OPCML: variants seen among roughly 807,000 people sequenced by gnomAD.
OPCML encodes the protein opioid-binding protein/cell adhesion molecule.
In OPCML, 13 loss-of-function variants were observed where a neutral mutation model predicts 37.8. The ratio of observed to expected loss-of-function variants is 0.34; its 90% CI spans 0.22 to 0.55. OPCML has a LOEUF of 0.55. Among genes scored for constraint, OPCML ranks in the 20% least tolerant of loss-of-function variants. The probability of loss-of-function intolerance (pLI) is 0.91; values close to 1 mark genes in which losing one functional copy is unlikely to be tolerated. For synonymous variants in OPCML, 176 were observed against 168.8 expected, an observed-to-expected ratio of 1.04 and a Z score of -0.33; for missense variants, 341 against 435.6, an observed-to-expected ratio of 0.78 and a Z score of 1.93.
chr11:132,517,586 A>G (rs1027824983), intron 4 of OPCML, among the ~76,000 whole-genome samples: 3 of 152,184 alleles, frequency 2.0e-5, no homozygotes, highest in African/African-American at 4.8e-5. Flanking sequence ...GCTGAGGCCA[A>G]TTAGATCTAC....
intron 2 of OPCML, among the ~76,000 whole-genome samples, chr11:132,710,729 C>T (rs1209890405): frequency 6.6e-6 from 1 of 150,842 alleles, no homozygotes; most frequent in Non-Finnish European, 1.5e-5. Context: ...ATGGTGTGTG[C>T]CTGTAGTTCC....
At chr11:132,730,030 T>TC (rs1945023053) in intron 2 of OPCML, among the ~76,000 whole-genome samples, 1 of 147,306 alleles carries the variant, frequency 6.8e-6, no homozygotes, top group African/African-American at 2.5e-5. Context: ...TTTTTTTTTT[T>TC]TGAGACAGAG....
rs1941744973 is a variant in OPCML at position 132,657,097 on chromosome 11, T to A, written c.369A>T (p.Leu123=). The A allele has an allele frequency of 1.2e-6, 2 of 1,614,160 alleles. No homozygotes were observed. The highest frequency in any genetic ancestry group is 1.7e-6 in the Non-Finnish European group (2 of 1,179,998). The change falls in exon 3 of 8, where the codon CTA becomes CTT. Residue 123 remains leucine, a synonymous_variant. Coordinates refer to ENST00000524381, the MANE Select transcript of OPCML (RefSeq NM_001012393.5). ...DNHPKTSRVH[L]IVQVPPQIMN... is the part of the protein sequence containing the mutation. ...CCAGCTGGGACTTACCTTGCACTAT[T>A]AGGTGAACCCGGGACGTTTTGGGAT...
chr11:133,211,182 T>C lies in OPCML; in HGVS notation c.62-268172A>G, dbSNP rs73598434. On this transcript the variant is annotated intron_variant, in intron 1 of 7. Coordinates refer to ENST00000524381, the MANE Select transcript of OPCML (RefSeq NM_001012393.5). The surrounding 1 kb of genome is among the most constrained non-coding windows in gnomAD (Gnocchi z 4.1). ...CAAATATTTCTGCAAATTCTGATGA[T>C]TTAATGTACTCATTTCCCTCAGGTT... Among the ~76,000 whole-genome samples, 5,244 of 152,074 alleles carry C rather than the reference T, an allele frequency of 0.034. 308 individuals are homozygous for C. The highest frequency in any genetic ancestry group is 0.12 in the African/African-American group (5,036 of 41,496).
At chr11:132,555,259 T>C (rs2096392553) in intron 3 of OPCML, among the ~76,000 whole-genome samples, 1 of 152,098 alleles carries the variant, frequency 6.6e-6, no homozygotes, top group African/African-American at 2.4e-5. Flanking sequence ...AGAGGTTTAA[T>C]GGACTCAGTT....
intron 3 of OPCML, among the ~76,000 whole-genome samples, chr11:132,541,547 T>A (rs1394798740): frequency 6.6e-6 from 1 of 151,938 alleles, no homozygotes; most frequent in Non-Finnish European, 1.5e-5. Flanking sequence ...GCAACTCTCA[T>A]TTATTGAGAA....
chr11:132,509,821 C>A (rs1293705142), intron 4 of OPCML, among the ~76,000 whole-genome samples: 2 of 152,208 alleles, frequency 1.3e-5, no homozygotes, highest in African/African-American at 2.4e-5. Context: ...TAGGGCAGTG[C>A]AGAAGGGATA....
intron 3 of OPCML, among the ~76,000 whole-genome samples, chr11:132,557,452 C>A (rs779795196): frequency 1.3e-5 from 2 of 152,166 alleles, no homozygotes; most frequent in African/African-American, 2.4e-5. Flanking sequence ...CGGTGCCCAA[C>A]CCCCCTGCTC....
In OPCML at chr11:133,174,324, AG is replaced by A. The variant is rs1173808094; in HGVS notation, c.62-231315del. On this transcript the variant is annotated intron_variant, in intron 1 of 7. Transcript: ENST00000524381. This position sits in a 1 kb window ranked among gnomAD's most constrained non-coding sequence, Gnocchi z 4.6. ...GAGGACAGGGGCCTCGCATGAACCT[AG>A]GTTCCAGGTCAGATGAAATGGCCAT... Among the ~76,000 whole-genome samples the A allele has an allele frequency of 1.3e-5, 2 of 152,170 alleles. No individual in the cohort carries two copies. Among genetic ancestry groups the A allele is most frequent in the Admixed American group, 6.5e-5 (1 of 15,270 alleles).
intron 2 of OPCML, among the ~76,000 whole-genome samples, chr11:132,731,491 G>T (rs569393717): frequency 1.3e-5 from 2 of 152,304 alleles, no homozygotes; most frequent in East Asian, 1.9e-4. Flanking sequence ...GCCAGTCTAT[G>T]ATCAAAAGTT....
At chr11:133,239,996 G>GA (rs989707550) in intron 1 of OPCML, among the ~76,000 whole-genome samples, 3 of 151,884 alleles carry the variant, frequency 2.0e-5, no homozygotes, top group Non-Finnish European at 4.4e-5. Context: ...GCCCTAGAGG[G>GA]AAAAAAATTT....
At chr11:132,715,452 A>G (rs1006293250) in intron 2 of OPCML, among the ~76,000 whole-genome samples, 7 of 152,168 alleles carry the variant, frequency 4.6e-5, no homozygotes, top group Non-Finnish European at 7.3e-5. Flanking sequence ...ACCTTGAACA[A>G]TGTATGCATC....
intron 2 of OPCML, among the ~76,000 whole-genome samples, chr11:132,705,920 G>C (rs1396050555): frequency 6.6e-6 from 1 of 152,110 alleles, no homozygotes; most frequent in Non-Finnish European, 1.5e-5. Context: ...TGATTCTCCT[G>C]TCTTAGCCTC....
At chr11:132,658,723 C>T (rs546002250) in intron 2 of OPCML, among the ~76,000 whole-genome samples, 1 of 152,250 alleles carries the variant, frequency 6.6e-6, no homozygotes, top group East Asian at 1.9e-4. Context: ...AGCATGTGAA[C>T]AATACAAAGT....
intron 1 of OPCML, among the ~76,000 whole-genome samples, chr11:133,001,202 T>C (rs1016770782): frequency 2.0e-5 from 3 of 152,140 alleles, no homozygotes; most frequent in African/African-American, 7.2e-5. Flanking sequence ...ACAATAATAA[T>C]AACTAATTAG....
chr11:132,653,164 C>T (rs765847545), intron 3 of OPCML, among the ~76,000 whole-genome samples: 2 of 151,974 alleles, frequency 1.3e-5, no homozygotes, highest in African/African-American at 2.4e-5. Flanking sequence ...CTGTTCTTTC[C>T]GAGTGGCATA....
At chr11:132,922,013 G>C (rs1944823196) in intron 2 of OPCML, among the ~76,000 whole-genome samples, 1 of 151,942 alleles carries the variant, frequency 6.6e-6, no homozygotes, top group African/African-American at 2.4e-5. Context: ...CTGAGTAGCT[G>C]GGATTACAGG....
At chr11:132,921,657 C>A (rs2725460) in intron 2 of OPCML, among the ~76,000 whole-genome samples, 1 of 152,138 alleles carries the variant, frequency 6.6e-6, no homozygotes, top group Non-Finnish European at 1.5e-5. Flanking sequence ...CACAGGGAAC[C>A]CTGCTCAGAG....
rs545227882 is a variant in OPCML at position 132,687,494 on chromosome 11, G to A, written c.147-30175C>T. ...AATTTAAGATCCTTAACATAAATCCGATCTTCTTCTGCAAAACTTAAAACA... is the reference window on the plus strand; with the variant it reads ...AATTTAAGATCCTTAACATAAATCCAATCTTCTTCTGCAAAACTTAAAACA... On this transcript the variant is annotated intron_variant, in intron 2 of 7. Coordinates refer to ENST00000524381, the MANE Select transcript of OPCML (RefSeq NM_001012393.5). 6.3e-3 allele frequency among the ~76,000 whole-genome samples: 903 copies of A among 142,354 alleles called. 8 individuals are homozygous for A. Among genetic ancestry groups the A allele is most frequent in the Middle Eastern group, 0.033 (9 of 270 alleles). The allele number at this position is 142,354 out of a possible 152,430, so 93.4% of individuals were successfully genotyped here. A position where few individuals can be genotyped will look rare whatever the true frequency, so the allele number is the denominator to read the frequency against.
Sources: gnomAD v4.1 joint callset for allele counts (sites outside exome capture counted in the v4.1 genomes callset) on GRCh38, gnomAD v4.1.1 for gene constraint, Gnocchi (gnomAD v3.1) non-coding constraint, MANE v1.5 for transcripts, NCBI Gene and HGNC (gene_info 2026-07-23, HGNC 2026-07-21) for gene names.